Variants in FNDC3B observed in about 807,000 individuals in gnomAD.
FNDC3B encodes fibronectin type III domain-containing protein 3B.
Under a neutral mutation model 151.5 loss-of-function variants are expected in FNDC3B, and 12 were observed. The observed-to-expected ratio is 0.08, with a 90% confidence interval of 0.05 to 0.13. The LOEUF is 0.13. FNDC3B is among the 10% of genes least tolerant of loss of function. The probability of loss-of-function intolerance (pLI) is 1.00; values close to 1 mark genes in which losing one functional copy is unlikely to be tolerated. For missense variants in FNDC3B, 1,214 were observed against 1,505.3 expected (o/e 0.81, Z 3.20); for synonymous variants, 528 against 549.0 (o/e 0.96, Z 0.54).
At chr3:172,234,253 T>C (rs1042896543) in intron 4 of FNDC3B, among the ~76,000 whole-genome samples, 1 of 152,214 alleles carries the variant, frequency 6.6e-6, no homozygotes, top group Non-Finnish European at 1.5e-5. Flanking sequence ...TTTGGGTGTG[T>C]CACTTGTTTA....
intron 25 of FNDC3B, among the ~76,000 whole-genome samples, chr3:172,394,779 A>AAAT (rs1029839094): frequency 3.4e-4 from 51 of 152,222 alleles, no homozygotes; most frequent in African/African-American, 1.2e-3. Flanking sequence ...AGGCCATTAC[A>AAAT]AATAATAATA....
chr3:172,271,303 G>T (rs1240180075), intron 6 of FNDC3B, among the ~76,000 whole-genome samples: 1 of 152,144 alleles, frequency 6.6e-6, no homozygotes, highest in Admixed American at 6.5e-5. Flanking sequence ...CTATTTTGGA[G>T]TATTAAAACA....
At chr3:172,098,649 T>C (rs1338975948) in intron 1 of FNDC3B, among the ~76,000 whole-genome samples, 1 of 152,232 alleles carries the variant, frequency 6.6e-6, no homozygotes, top group Non-Finnish European at 1.5e-5. Flanking sequence ...CTTAGTATTT[T>C]TTTTTTAAAG....
intron 3 of FNDC3B, among the ~76,000 whole-genome samples, chr3:172,150,834 G>T (rs1303810666): frequency 6.6e-6 from 1 of 151,848 alleles, no homozygotes; most frequent in Non-Finnish European, 1.5e-5. Context: ...TCGAGAATGG[G>T]GTGTCCATCC....
intron 19 of FNDC3B, among the ~76,000 whole-genome samples, chr3:172,345,117 GAAAGT>G (rs1176516970): frequency 1.3e-5 from 2 of 152,158 alleles, no homozygotes; most frequent in Non-Finnish European, 2.9e-5. Flanking sequence ...AGTTTATTAA[GAAAGT>G]AAAGGAATAA....
At chr3:172,267,551 A>C (rs1266477932) in intron 6 of FNDC3B, among the ~76,000 whole-genome samples, 1 of 152,222 alleles carries the variant, frequency 6.6e-6, no homozygotes, top group Non-Finnish European at 1.5e-5. Context: ...GTGGACGTGC[A>C]TGTGTATTCA....
At chr3:172,044,988 T>C (rs1010349101) in intron 1 of FNDC3B, among the ~76,000 whole-genome samples, 7 of 152,232 alleles carry the variant, frequency 4.6e-5, no homozygotes, top group Admixed American at 3.9e-4. Context: ...AGTCTGGGTT[T>C]CCTCATTTTA....
chr3:172,162,448 T>G (rs1323740808), intron 3 of FNDC3B, among the ~76,000 whole-genome samples: 11 of 152,150 alleles, frequency 7.2e-5, no homozygotes, highest in African/African-American at 2.7e-4. Context: ...GCTATGAGCA[T>G]TTATGTGCAA....
chr3:172,181,097 A>G (rs1428641803), intron 3 of FNDC3B, among the ~76,000 whole-genome samples: 6 of 123,416 alleles, frequency 4.9e-5, no homozygotes, highest in Non-Finnish European at 9.9e-5. Flanking sequence ...TTCTAAGTAG[A>G]TATATTCTAA....
chr3:172,345,383 C>G (rs1733553398), intron 19 of FNDC3B, among the ~76,000 whole-genome samples: 1 of 152,178 alleles, frequency 6.6e-6, no homozygotes, highest in Admixed American at 6.5e-5. Flanking sequence ...AAATGTGCAA[C>G]TGGGCTGGTG....
At position 172,344,136 on chromosome 3, in the gene FNDC3B, A is replaced by G. The variant is rs761489481; in HGVS notation, c.2128A>G (p.Met710Val). The stretch of plus-strand genomic sequence containing the variant: ...TGAGGTCTCAGAGTACAGCGTGGAG[A>G]TGACGGAGCCCGAAGACGTAGCCTC... ...GCEVSEYSVE[M>V]TEPEDVASEV... Residue 710 changes from methionine (M) to valine (V), a missense_variant, in exon 19 of 26, where the codon ATG becomes GTG. This residue lies in a region of FNDC3B where 380 missense variants were observed against 420.9 expected (regional missense o/e 0.90). Coordinates refer to ENST00000415807, the MANE Select transcript of FNDC3B (RefSeq NM_022763.4). The G allele has an allele frequency of 1.2e-6, 2 of 1,614,008 alleles. No homozygotes were observed. The highest frequency in any genetic ancestry group is 1.7e-6 in the Non-Finnish European group (2 of 1,180,026).
chr3:172,328,996 G>A lies in FNDC3B; in HGVS notation c.1299G>A (p.Gln433=). ...TCAGACAGTGCTTCTTCGGGAGCCA[G>A]AAGCACTGCAAGTTGACAAAGCTTT... The part of the protein sequence containing the change: ...SGFRQCFFGS[Q]KHCKLTKLCP... Residue 433 remains glutamine, a synonymous_variant, in exon 12 of 26, where the codon CAG becomes CAA. Transcript: ENST00000415807. 6.2e-7 allele frequency: 1 copy of A among 1,613,784 alleles called. No homozygotes were observed. The highest frequency in any genetic ancestry group is 1.1e-5 in the South Asian group (1 of 91,036).
At chr3:172,262,697 G>A (rs1322662068) in intron 6 of FNDC3B, among the ~76,000 whole-genome samples, 1 of 151,588 alleles carries the variant, frequency 6.6e-6, no homozygotes, top group Non-Finnish European at 1.5e-5. Context: ...GAGCCCAGGA[G>A]TTCAAGACCA....
At position 172,303,693 on chromosome 3, in the gene FNDC3B, T is replaced by C. The variant is rs1380403318; in HGVS notation, c.1062-3670T>C. The stretch of plus-strand genomic sequence containing the variant: ...CTCTACAGATACTCCTTTTACATGA[T>C]GATATTTATGGAAAACTCATTGCCA... On this transcript the variant is annotated intron_variant, in intron 9 of 25. Coordinates refer to ENST00000415807, the MANE Select transcript of FNDC3B (RefSeq NM_022763.4). 2.6e-5 allele frequency among the ~76,000 whole-genome samples: 4 copies of C among 151,376 alleles called. No individual in the cohort carries two copies. The South Asian group carries it at 8.4e-4, about 32-fold the overall frequency.
chr3:172,211,163 A>G (rs1331564171), intron 3 of FNDC3B, among the ~76,000 whole-genome samples: 1 of 151,380 alleles, frequency 6.6e-6, no homozygotes, highest in Non-Finnish European at 1.5e-5. Flanking sequence ...AAAATGACTC[A>G]TAACATAAAT....
rs923246187 is a variant in FNDC3B, at chr3:172,400,371, C to T, written c.*2896C>T. 2.0e-5 allele frequency: 3 copies of T among 152,594 alleles called. No homozygotes were observed. Among genetic ancestry groups the T allele is most frequent in the African/African-American group, 7.2e-5 (3 of 41,438 alleles). 9.5% of individuals were successfully genotyped at this position (152,594 alleles called of 1,614,324 possible). On this transcript the variant is annotated 3_prime_UTR_variant, in exon 26 of 26. Transcript: ENST00000415807. The stretch of plus-strand genomic sequence containing the variant: ...TTTTCTAACCTTGTTTTGTTGGCTA[C>T]AATAATTCAGTATTCATGTCAAAAT...
intron 9 of FNDC3B, chr3:172,302,360 T>TA (rs1242811370): frequency 6.6e-6 from 1 of 152,222 alleles, no homozygotes; most frequent in East Asian, 1.9e-4. Flanking sequence ...AACTCACTGT[T>TA]ACTGGGAATA....
intron 12 of FNDC3B, 49 bp from the exon 13 acceptor site, chr3:172,330,492 A>T: frequency 6.6e-7 from 1 of 1,523,304 alleles, no homozygotes; most frequent in South Asian, 1.2e-5. Context: ...TAAAATGCCA[A>T]GCCTCTTCAC....
At chr3:172,378,529 A>G (rs1017647623) in intron 24 of FNDC3B, 93 bp downstream of exon 24, 1 of 1,141,860 alleles carries the variant, frequency 8.8e-7, no homozygotes, top group African/African-American at 1.6e-5. Context: ...GTTAAATATA[A>G]TGTCAGCAAG....
Sources: allele counts gnomAD v4.1 joint callset (sites outside exome capture counted in the v4.1 genomes callset), GRCh38; gene constraint gnomAD v4.1.1; regional missense constraint gnomAD v4.1.1; transcripts MANE v1.5; gene names NCBI Gene and HGNC (gene_info 2026-07-23, HGNC 2026-07-21).